APC2: variants seen among roughly 807,000 people sequenced by gnomAD.
The protein encoded by APC2 is APC regulator of Wnt signaling pathway 2.
APC2 carries 41 observed loss-of-function variants against 72.5 expected under a neutral mutation model. The observed-to-expected ratio is 0.57, with a 90% confidence interval of 0.44 to 0.73. APC2 has a LOEUF of 0.73. Among genes scored for constraint, APC2 ranks in the 30% least tolerant of loss-of-function variants. The pLI is 0.00. For synonymous variants in APC2, 1,898 were observed against 1,612.0 expected, an observed-to-expected ratio of 1.18 and a Z score of -4.25; for missense variants, 3,729 against 3,403.4, an observed-to-expected ratio of 1.10 and a Z score of -2.38.
Position 1,468,471 on chromosome 19 carries a change from C to CT in APC2, c.5171dup (p.Ser1725ValfsTer428). On this transcript the variant is annotated frameshift_variant, in exon 15 of 15. Coordinates refer to ENST00000590469, the MANE Select transcript of APC2 (RefSeq NM_005883.3). LOFTEE classifies it low-confidence loss of function (END_TRUNC). ...CTCCATCCTGTCCTTCGTATCCGGG[C>CT]TGTCAGTGGGATCCACCCTACAGCC... is the stretch of plus-strand genomic sequence containing the variant. 6.2e-7 allele frequency: 1 copy of CT among 1,601,918 alleles called. No individual in the cohort carries two copies. Among genetic ancestry groups the CT allele is most frequent in the Non-Finnish European group, 8.5e-7 (1 of 1,175,930 alleles).
Position 1,463,903 on chromosome 19 carries a change from G to A in APC2, c.1854-1252G>A, listed in dbSNP as rs199641254. Among the ~76,000 whole-genome samples the A allele has an allele frequency of 3.8e-4, 58 of 152,268 alleles. No individual in the cohort carries two copies. The Middle Eastern group carries it at 0.01, about 27-fold the overall frequency. On this transcript the variant is annotated intron_variant, in intron 14 of 14. Coordinates refer to ENST00000590469, the MANE Select transcript of APC2 (RefSeq NM_005883.3). ...AAAAATTAACTTATTGGCTGGGCGC[G>A]GTGGCTCACGCCTGTAATCCCAGCA...
Position 1,466,090 on chromosome 19 carries a change from G to A in APC2, c.2789G>A (p.Gly930Asp), listed in dbSNP as rs904072966. ...ASLSNDSLNS[G>D]SASDGYCPRE... ...CTCTCCAACGACAGCCTCAACAGCG[G>A]CAGTGCCAGCGACGGGTACTGCCCA... Residue 930 changes from glycine (G) to aspartate (D), a missense_variant, in exon 15 of 15, where the codon GGC (glycine) becomes GAC (aspartate). Physicochemically the swap from Gly to Asp is moderately conservative, Grantham distance 94. Coordinates refer to ENST00000590469, the MANE Select transcript of APC2 (RefSeq NM_005883.3). 1 of 1,535,332 alleles carries A rather than the reference G, an allele frequency of 6.5e-7. No homozygotes were observed. The highest frequency in any genetic ancestry group is 1.2e-5 in the South Asian group (1 of 82,536).
rs1349383808 is a variant in APC2, at chr19:1,466,065, C to T, written c.2764C>T (p.Leu922Phe). ...LLRLKAAHAS[L>F]SNDSLNSGSA... Reference sequence around the variant, plus strand: ...GCGGCTCAAGGCGGCCCACGCCAGCCTCTCCAACGACAGCCTCAACAGCGG... The same window carrying T: ...GCGGCTCAAGGCGGCCCACGCCAGCTTCTCCAACGACAGCCTCAACAGCGG... The change falls in exon 15 of 15, where the codon CTC becomes TTC. Residue 922 changes from leucine to phenylalanine, a missense_variant. Physicochemically the swap from Leu to Phe is conservative, Grantham distance 22 (BLOSUM62 0). Coordinates refer to ENST00000590469, the MANE Select transcript of APC2 (RefSeq NM_005883.3). The T allele has an allele frequency of 7.9e-6, 12 of 1,519,364 alleles. No homozygotes were observed. Among genetic ancestry groups the T allele is most frequent in the Non-Finnish European group, 9.6e-6 (11 of 1,142,908 alleles). 94.1% of individuals were successfully genotyped at this position (1,519,364 alleles called of 1,614,324 possible). A position where few individuals can be genotyped will look rare whatever the true frequency, so the allele number is the denominator to read the frequency against.
chr19:1,456,913 C>G lies in APC2; in HGVS notation c.877C>G (p.Arg293Gly). 1.3e-6 allele frequency: 2 copies of G among 1,578,634 alleles called. No homozygotes were observed. The highest frequency in any genetic ancestry group is 1.7e-6 in the Non-Finnish European group (2 of 1,170,242). ...GACGCGCGACCAGGAGGATACAGCG[C>G]GCACGCTGCTGGCCATGTCCAGCTC... is the stretch of plus-strand genomic sequence containing the variant. Reference protein sequence around the residue: ...LATRDQEDTARTLLAMSSSPE... With the variant: ...LATRDQEDTAGTLLAMSSSPE... Residue 293 changes from arginine (R) to glycine (G), a missense_variant, in exon 9 of 15, where the codon CGC (arginine) becomes GGC (glycine). Physicochemically the swap from Arg to Gly is moderately radical, Grantham distance 125. Transcript: ENST00000590469.
rs760815508 is a variant in APC2, at chr19:1,457,090, C to T, written c.1054C>T (p.His352Tyr). The T allele has an allele frequency of 1.3e-6, 2 of 1,574,586 alleles. No homozygotes were observed. The highest frequency in any genetic ancestry group is 1.4e-5 in the African/African-American group (1 of 73,610). ...DARMRANAAL[H>Y]NIVFSQPDQG... The stretch of plus-strand genomic sequence containing the variant: ...ACGCATGCGCGCCAACGCGGCGCTG[C>T]ACAACATCGTCTTCTCGCAGCCGGA... Residue 352 changes from histidine to tyrosine, a missense_variant, in exon 9 of 15, where the codon CAC becomes TAC. Coordinates refer to ENST00000590469, the MANE Select transcript of APC2 (RefSeq NM_005883.3).
chr19:1,458,222 T>G, intron 10 of APC2, 162 bp downstream of exon 10: 6 of 664,766 alleles, frequency 9.0e-6, no homozygotes, highest in Non-Finnish European at 1.3e-5. Flanking sequence ...CTCTCATGAG[T>G]GGACCGTCAC....
upstream of APC2, chr19:1,446,336 G>A (rs923624875): frequency 2.0e-6 from 2 of 985,308 alleles, no homozygotes; most frequent in Non-Finnish European, 2.4e-6. The surrounding 1 kb of genome is among the most constrained non-coding windows in gnomAD (Gnocchi z 6.1). Context: ...CTTCTTCGGG[G>A]ACCAGGTAGG....
At position 1,467,911 on chromosome 19, in the gene APC2, T is replaced by G. The variant is rs1364760588; in HGVS notation, c.4610T>G (p.Phe1537Cys). The G allele has an allele frequency of 6.3e-7, 1 of 1,583,710 alleles. No homozygotes were observed. The highest frequency in any genetic ancestry group is 1.7e-5 in the Admixed American group (1 of 59,042). Reference sequence around the variant, plus strand: ...CGCACATCGGCCATCCCTCGCGCTTTTACGCGGGAGCGTCCGCAGGGCCGG... The same window carrying G: ...CGCACATCGGCCATCCCTCGCGCTTGTACGCGGGAGCGTCCGCAGGGCCGG... Reference protein sequence around the residue: ...HRRTSAIPRAFTRERPQGRKE... With the variant: ...HRRTSAIPRACTRERPQGRKE... Residue 1537 changes from phenylalanine (F) to cysteine (C), a missense_variant, in exon 15 of 15, where the codon TTT becomes TGT. Phe to Cys is a radical substitution (Grantham distance 205). Coordinates refer to ENST00000590469, the MANE Select transcript of APC2 (RefSeq NM_005883.3).
At chr19:1,458,117 T>C in intron 10 of APC2, 57 bp downstream of exon 10, 2 of 1,476,080 alleles carry the variant, frequency 1.4e-6, no homozygotes, top group Non-Finnish European at 1.8e-6. Context: ...AGGTGGTGGC[T>C]CCTCGGCCGC....
upstream of APC2, among the ~76,000 whole-genome samples, chr19:1,449,102 CT>C (rs1183380317): frequency 6.6e-6 from 1 of 152,212 alleles, no homozygotes; most frequent in Non-Finnish European, 1.5e-5. Context: ...ATACTCGGAC[CT>C]TCCCACCCTC....
At chr19:1,465,127 C>G in intron 14 of APC2, 28 bp from the exon 15 acceptor site, 2 of 1,577,306 alleles carry the variant, frequency 1.3e-6, no homozygotes, top group Non-Finnish European at 1.7e-6. Context: ...TGGGGGGTGG[C>G]CCAGGCTAAC....
Position 1,466,801 on chromosome 19 carries a change from C to T in APC2, c.3500C>T (p.Ser1167Leu). The T allele has an allele frequency of 6.4e-7, 1 of 1,551,392 alleles. No homozygotes were observed. The highest frequency in any genetic ancestry group is 8.7e-7 in the Non-Finnish European group (1 of 1,148,516). The change falls in exon 15 of 15, where the codon TCG becomes TTG. Residue 1167 changes from serine to leucine, a missense_variant. Transcript: ENST00000590469. ...CTGAGCCGCTGCAGCTCTGTGAGCTCGCTGGGCAGCTTCGAGAGCCCGTCC... is the reference window on the plus strand; with the variant it reads ...CTGAGCCGCTGCAGCTCTGTGAGCTTGCTGGGCAGCTTCGAGAGCCCGTCC... ...LVLSRCSSVSSLGSFESPSIA... is the reference protein window; with the variant it reads ...LVLSRCSSVSLLGSFESPSIA...
chr19:1,469,489 C>G lies in APC2; in HGVS notation c.6188C>G (p.Ala2063Gly). The stretch of plus-strand genomic sequence containing the variant: ...GCCCCGGCCCGGCAGCGGCCCCCCG[C>G]GGCCCGACCCAGCCCTGGCGAGCGC... ...GPAPARQRPP[A>G]ARPSPGERPA... Residue 2063 changes from alanine to glycine, a missense_variant, in exon 15 of 15, where the codon GCG becomes GGG. Ala to Gly is a moderately conservative substitution (Grantham distance 60). Transcript: ENST00000590469. 1 of 1,106,496 alleles carries G rather than the reference C, an allele frequency of 9.0e-7. No individual in the cohort carries two copies. Among genetic ancestry groups the G allele is most frequent in the Middle Eastern group, 4.1e-4 (1 of 2,456 alleles). The allele number at this position is 1,106,496 out of a possible 1,614,324, so 68.5% of individuals were successfully genotyped here.
Position 1,456,161 on chromosome 19 carries a change from G to T in APC2, c.717+8G>T. Reference sequence around the variant, plus strand: ...CAGCAGACGGAGCCCCAGGTACCGGGTGGGGCAGAGCCAGGGACCAGGGGT... The same window carrying T: ...CAGCAGACGGAGCCCCAGGTACCGGTTGGGGCAGAGCCAGGGACCAGGGGT... On this transcript the variant is annotated splice_region_variant and intron_variant, in intron 7 of 14. Transcript: ENST00000590469. 1 of 1,580,960 alleles carries T rather than the reference G, an allele frequency of 6.3e-7. No homozygotes were observed. The highest frequency in any genetic ancestry group is 8.6e-7 in the Non-Finnish European group (1 of 1,166,082).
Position 1,466,766 on chromosome 19 carries a change from A to G in APC2, c.3465A>G (p.Thr1155=), listed in dbSNP as rs1373628776. Residue 1155 remains threonine (T), a synonymous_variant, in exon 15 of 15, where the codon ACA becomes ACG. Transcript: ENST00000590469. ...SSSSENYVQE[T]PLVLSRCSSV... ...CGTCGGAGAACTACGTGCAGGAGACACCGCTTGTGCTGAGCCGCTGCAGCT... is the reference window on the plus strand; with the variant it reads ...CGTCGGAGAACTACGTGCAGGAGACGCCGCTTGTGCTGAGCCGCTGCAGCT... 1.3e-6 allele frequency: 2 copies of G among 1,549,974 alleles called. No homozygotes were observed. Among genetic ancestry groups the G allele is most frequent in the East Asian group, 4.9e-5 (2 of 41,162 alleles).
In APC2 at chr19:1,468,661, T is replaced by C; in HGVS notation, c.5360T>C (p.Val1787Ala). ...TQKTTPGVPA[V>A]LRGRTVIYVP... The stretch of plus-strand genomic sequence containing the variant: ...AAGACCACGCCCGGGGTGCCAGCTG[T>C]GCTCCGGGGACGAACAGTGATCTAC... The change falls in exon 15 of 15, where the codon GTG becomes GCG. Residue 1787 changes from valine (V) to alanine (A), a missense_variant. Physicochemically the swap from Val to Ala is moderately conservative, Grantham distance 64. Coordinates refer to ENST00000590469, the MANE Select transcript of APC2 (RefSeq NM_005883.3). 1.9e-6 allele frequency: 3 copies of C among 1,584,786 alleles called. No individual in the cohort carries two copies. The highest frequency in any genetic ancestry group is 2.6e-6 in the Non-Finnish European group (3 of 1,163,754).
In APC2 at chr19:1,467,743, G is replaced by A. The variant is rs2084045746; in HGVS notation, c.4442G>A (p.Gly1481Asp). 1 of 1,437,024 alleles carries A rather than the reference G, an allele frequency of 7.0e-7. No individual in the cohort carries two copies. The highest frequency in any genetic ancestry group is 9.1e-7 in the Non-Finnish European group (1 of 1,102,786). 89.0% of individuals were successfully genotyped at this position (1,437,024 alleles called of 1,614,324 possible). Residue 1481 changes from glycine (G) to aspartate (D), a missense_variant, in exon 15 of 15, where the codon GGC (glycine) becomes GAC (aspartate). Gly to Asp is a moderately conservative substitution (Grantham distance 94). Coordinates refer to ENST00000590469, the MANE Select transcript of APC2 (RefSeq NM_005883.3). Reference sequence around the variant, plus strand: ...CCGAGCGCCCCCGCAGACAAGGACGGCTCAAAGCCCGGCCGGACCCGCGGG... The same window carrying A: ...CCGAGCGCCCCCGCAGACAAGGACGACTCAAAGCCCGGCCGGACCCGCGGG... ...RPPSAPADKD[G>D]SKPGRTRGDG...
At chr19:1,446,657 G>C (rs2083690426), upstream of APC2, among the ~76,000 whole-genome samples, 1 of 152,032 alleles carries the variant, frequency 6.6e-6, no homozygotes, top group South Asian at 2.1e-4. This position sits in a 1 kb window ranked among gnomAD's most constrained non-coding sequence, Gnocchi z 6.1. Flanking sequence ...CTGCGCCGAC[G>C]CGGAGGCTGC....
rs980028520 is a variant in APC2 at position 1,470,182 on chromosome 19, C to T, written c.6881C>T (p.Pro2294Leu). 13 of 1,601,328 alleles carry T rather than the reference C, an allele frequency of 8.1e-6. No individual in the cohort carries two copies. Among genetic ancestry groups the T allele is most frequent in the Non-Finnish European group, 1.0e-5 (12 of 1,175,948 alleles). ...ACCGACTCGGCCGCGGAGAAAGCCC[C>T]GGCCACTGCCTCCGCCACCCTCCTG... The part of the protein sequence containing the change: ...ATTDSAAEKA[P>L]ATASATLLE Residue 2294 changes from proline (P) to leucine (L), a missense_variant, in exon 15 of 15, where the codon CCG becomes CTG. Physicochemically the swap from Pro to Leu is moderately conservative, Grantham distance 98. Transcript: ENST00000590469.
Sources: allele counts gnomAD v4.1 joint callset (sites outside exome capture counted in the v4.1 genomes callset), GRCh38; gene constraint gnomAD v4.1.1; non-coding constraint Gnocchi (gnomAD v3.1); transcripts MANE v1.5; gene names NCBI Gene and HGNC (gene_info 2026-07-23, HGNC 2026-07-21).